CHRNG: variants seen among roughly 807,000 people sequenced by gnomAD.
CHRNG encodes cholinergic receptor nicotinic gamma subunit, also known as acetylcholine receptor subunit gamma.
Under a neutral mutation model 65.2 loss-of-function variants are expected in CHRNG, and 72 were observed. The ratio of observed to expected loss-of-function variants is 1.10; its 90% CI spans 0.91 to 1.34. The LOEUF (loss-of-function observed/expected upper bound fraction) is 1.34, where lower values mean the gene tolerates loss of function less well. CHRNG is among the 40% of genes most tolerant of loss of function. CHRNG has a pLI of 0.00. For missense variants in CHRNG, 637 were observed against 680.1 expected, an observed-to-expected ratio of 0.94 and a Z score of 0.70; for synonymous variants, 284 against 290.2, an observed-to-expected ratio of 0.98 and a Z score of 0.22.
Position 232,545,899 on chromosome 2 carries a change from G to A in CHRNG, c.*183G>A. 1.4e-6 allele frequency: 1 copy of A among 738,832 alleles called. No individual in the cohort carries two copies. Among genetic ancestry groups the A allele is most frequent in the Non-Finnish European group, 2.3e-6 (1 of 430,716 alleles). 45.8% of individuals were successfully genotyped at this position (738,832 alleles called of 1,614,324 possible). ...TCTGAGCTGGAGTCCGAGAGTGGTT[G>A]GGGGTGGGCCGTGGCTAGTGTCCTG... is the stretch of plus-strand genomic sequence containing the variant. On this transcript the variant is annotated 3_prime_UTR_variant, in exon 12 of 12. Transcript: ENST00000651502.
rs57021172 is a variant in CHRNG at position 232,546,308 on chromosome 2, C to CTTTTTT, written c.*607_*612dup. 33 of 94,836 alleles carry CTTTTTT rather than the reference C, an allele frequency of 3.5e-4. No homozygotes were observed. Among genetic ancestry groups the CTTTTTT allele is most frequent in the African/African-American group, 1.1e-3 (29 of 26,136 alleles). The allele number at this position is 94,836 out of a possible 1,614,324, so 5.9% of individuals were successfully genotyped here. On this transcript the variant is annotated 3_prime_UTR_variant, in exon 12 of 12. Transcript: ENST00000651502. ...ACGATTTCCTGAGTTTTGTAATCCT[C>CTTTTTT]TTTTTTTTTTTTTTTTTTTTAGTTT...
rs201857172 is a variant in CHRNG, at chr2:232,543,358, G to C, written c.889G>C (p.Glu297Gln). 5.6e-6 allele frequency: 9 copies of C among 1,614,044 alleles called. No individual in the cohort carries two copies. The East Asian group carries it at 1.1e-4, about 20-fold the overall frequency. ...CTTCCTTGTGGCCAAGAAGGTGCCT[G>C]AAACCTCCCAGGCGGTGCCACTCAT... ...FLFLVAKKVPETSQAVPLISK... is the reference protein window; with the variant it reads ...FLFLVAKKVPQTSQAVPLISK... Residue 297 changes from glutamate (E) to glutamine (Q), a missense_variant, in exon 8 of 12, where the codon GAA (glutamate) becomes CAA (glutamine). Transcript: ENST00000651502.
rs1692122618 is a variant in CHRNG at position 232,545,815 on chromosome 2, G to C, written c.*99G>C. 1.0e-5 allele frequency: 14 copies of C among 1,361,294 alleles called. No homozygotes were observed. Among genetic ancestry groups the C allele is most frequent in the Non-Finnish European group, 1.5e-5 (14 of 959,798 alleles). The allele number at this position is 1,361,294 out of a possible 1,614,324, so 84.3% of individuals were successfully genotyped here. A position where few individuals can be genotyped will look rare whatever the true frequency, so the allele number is the denominator to read the frequency against. On this transcript the variant is annotated 3_prime_UTR_variant, in exon 12 of 12. Coordinates refer to ENST00000651502, the MANE Select transcript of CHRNG (RefSeq NM_005199.5). ...TACTGAGGTCCTAAGTGTGCTCTTT[G>C]GGAAGTGCCCTTCAGGACTGTGTGA...
rs1436519407 is a variant in CHRNG, at chr2:232,545,435, C to T, written c.1381-108C>T. 3 of 1,027,568 alleles carry T rather than the reference C, an allele frequency of 2.9e-6. No homozygotes were observed. The African/African-American group carries it at 4.7e-5, about 16-fold the overall frequency. 63.7% of individuals were successfully genotyped at this position (1,027,568 alleles called of 1,614,324 possible). A position where few individuals can be genotyped will look rare whatever the true frequency, so the allele number is the denominator to read the frequency against. ...GGGACCCGGACATAGGTAAGAAGGG[C>T]CCCAGGAAATGGAGACATGGGCCTG... On this transcript the variant is annotated intron_variant, in intron 11 of 11. Transcript: ENST00000651502.
Position 232,545,847 on chromosome 2 carries a change from C to T in CHRNG, c.*131C>T, listed in dbSNP as rs566877095. 1.2e-4 allele frequency: 127 copies of T among 1,060,730 alleles called. 1 individual carries two copies. The highest frequency in any genetic ancestry group is 2.0e-4 in the Middle Eastern group (1 of 4,896). 65.7% of individuals were successfully genotyped at this position (1,060,730 alleles called of 1,614,324 possible). ...GCCCTTCAGGACTGTGTGAGCCAAA[C>T]AGCCCTGAGAAAAGCTGGGGAAACA... On this transcript the variant is annotated 3_prime_UTR_variant, in exon 12 of 12. Coordinates refer to ENST00000651502, the MANE Select transcript of CHRNG (RefSeq NM_005199.5).
rs1388000624 is a variant in CHRNG, at chr2:232,546,976, T to G, written c.*1260T>G. ...CTAATCAGGTAGTAAGGCTGGGGTC[T>G]TCCTGGGGGAGAGGCAAGGTCCTGC... On this transcript the variant is annotated 3_prime_UTR_variant, in exon 12 of 12. Transcript: ENST00000651502. Among the ~76,000 whole-genome samples the G allele has an allele frequency of 6.6e-6, 1 of 152,172 alleles. No homozygotes were observed. Among genetic ancestry groups the G allele is most frequent in the East Asian group, 1.9e-4 (1 of 5,194 alleles).
chr2:232,546,997 C>G lies in CHRNG; in HGVS notation c.*1281C>G, dbSNP rs1404865476. 6.6e-6 allele frequency among the ~76,000 whole-genome samples: 1 copy of G among 152,106 alleles called. No homozygotes were observed. The highest frequency in any genetic ancestry group is 1.5e-5 in the Non-Finnish European group (1 of 68,022). ...GGTCTTCCTGGGGGAGAGGCAAGGT[C>G]CTGCTCTGAGATTACAGCCGGCACA... On this transcript the variant is annotated 3_prime_UTR_variant, in exon 12 of 12. Transcript: ENST00000651502.
Position 232,543,307 on chromosome 2 carries a change from G to A in CHRNG, c.838G>A (p.Val280Met), listed in dbSNP as rs779955475. The A allele has an allele frequency of 7.4e-6, 12 of 1,613,940 alleles. No homozygotes were observed. Among genetic ancestry groups the A allele is most frequent in the East Asian group, 4.5e-5 (2 of 44,880 alleles). The stretch of plus-strand genomic sequence containing the variant: ...CCAGAAGTGTACCGTCGCCATCAAC[G>A]TGCTCCTGGCCCAGACTGTCTTCCT... ...GGQKCTVAIN[V>M]LLAQTVFLFL... The change falls in exon 8 of 12, where the codon GTG becomes ATG. Residue 280 changes from valine to methionine, a missense_variant. Val to Met is a conservative substitution (Grantham distance 21, BLOSUM62 1). Transcript: ENST00000651502.
rs1375693286 is a variant in CHRNG at position 232,546,944 on chromosome 2, G to A, written c.*1228G>A. On this transcript the variant is annotated 3_prime_UTR_variant, in exon 12 of 12. Coordinates refer to ENST00000651502, the MANE Select transcript of CHRNG (RefSeq NM_005199.5). ...GAGGAGACTTTGACTGGCCTCCCTT[G>A]ACCCCACTAATCAGGTAGTAAGGCT... Among the ~76,000 whole-genome samples, 2 of 140,892 alleles carry A rather than the reference G, an allele frequency of 1.4e-5. No individual in the cohort carries two copies. The highest frequency in any genetic ancestry group is 3.1e-5 in the Non-Finnish European group (2 of 64,712). The allele number at this position is 140,892 out of a possible 152,430, so 92.4% of individuals were successfully genotyped here.
In CHRNG at chr2:232,541,467, C is replaced by T. The variant is rs142435378; in HGVS notation, c.444C>T (p.Ser148=). 8.9e-5 allele frequency: 144 copies of T among 1,614,166 alleles called. No homozygotes were observed. Among genetic ancestry groups the T allele is most frequent in the Non-Finnish European group, 1.1e-4 (134 of 1,179,998 alleles). ...GGCTGCCGCCTGCCATCTTCCGTTC[C>T]GCCTGCTCTATCTCAGTCACCTACT... ...IYWLPPAIFR[S]ACSISVTYFP... The change falls in exon 5 of 12, where the codon TCC becomes TCT. Residue 148 remains serine (S), a synonymous_variant. Coordinates refer to ENST00000651502, the MANE Select transcript of CHRNG (RefSeq NM_005199.5). The surrounding 1 kb of genome is among the most constrained non-coding windows in gnomAD (Gnocchi z 4.0).
At position 232,540,670 on chromosome 2, in the gene CHRNG, G is replaced by T; in HGVS notation, c.309G>T (p.Pro103=). Residue 103 remains proline (P), a synonymous_variant, in exon 4 of 12, where the codon CCG becomes CCT. Coordinates refer to ENST00000651502, the MANE Select transcript of CHRNG (RefSeq NM_005199.5). This position sits in a 1 kb window ranked among gnomAD's most constrained non-coding sequence, Gnocchi z 4.2. ...AAGGCCTGTGGGTGCTGAGGGTGCC[G>T]TCCACCATGGTGTGGCGGCCGGATA... ...DYEGLWVLRV[P]STMVWRPDIV... is the part of the protein sequence containing the mutation. 1.2e-6 allele frequency: 2 copies of T among 1,613,100 alleles called. No individual in the cohort carries two copies. The highest frequency in any genetic ancestry group is 1.7e-6 in the Non-Finnish European group (2 of 1,179,968).
chr2:232,542,394 A>G (rs376319807), intron 5 of CHRNG, 29 bp from the exon 6 acceptor site: 428 of 1,523,094 alleles, frequency 2.8e-4, no homozygotes, highest in Non-Finnish European at 3.7e-4. Flanking sequence ...ACCCGCTCAC[A>G]TTTAGCCTCT....
In CHRNG at chr2:232,544,500, C is replaced by A; in HGVS notation, c.1169C>A (p.Ala390Asp). The change falls in exon 10 of 12, where the codon GCC (alanine) becomes GAC (aspartate). Residue 390 changes from alanine to aspartate, a missense_variant. Transcript: ENST00000651502. ...GWSITTGEEV[A>D]LCLPRSELLF... Reference sequence around the variant, plus strand: ...TCGATCACAACTGGGGAGGAGGTGGCCCTCTGCCTGCCTCGCAGTGAACTC... The same window carrying A: ...TCGATCACAACTGGGGAGGAGGTGGACCTCTGCCTGCCTCGCAGTGAACTC... 6.2e-7 allele frequency: 1 copy of A among 1,613,704 alleles called. No individual in the cohort carries two copies. The highest frequency in any genetic ancestry group is 8.5e-7 in the Non-Finnish European group (1 of 1,179,928).
rs1178806556 is a variant in CHRNG at position 232,540,826 on chromosome 2, C to A, written c.350+115C>A. ...TGAGCAGAGGGTGCAAATCGGGCAC[C>A]TGTGGGGCTAGGGAAGAACTGGATG... On this transcript the variant is annotated intron_variant, in intron 4 of 11. Transcript: ENST00000651502. The surrounding 1 kb of genome is among the most constrained non-coding windows in gnomAD (Gnocchi z 4.2). The A allele has an allele frequency of 1.0e-6, 1 of 981,610 alleles. No individual in the cohort carries two copies. Among genetic ancestry groups the A allele is most frequent in the Non-Finnish European group, 1.5e-6 (1 of 645,568 alleles). 60.8% of individuals were successfully genotyped at this position (981,610 alleles called of 1,614,324 possible). A position where few individuals can be genotyped will look rare whatever the true frequency, so the allele number is the denominator to read the frequency against.
intron 10 of CHRNG, 79 bp from the exon 11 acceptor site, chr2:232,544,693 G>A (rs1160410194): frequency 1.3e-6 from 2 of 1,581,334 alleles, no homozygotes; most frequent in Non-Finnish European, 1.7e-6. Context: ...AGAGGAGCTG[G>A]GGTCCCTAAG....
Position 232,542,903 on chromosome 2 carries a change from A to G in CHRNG, c.626A>G (p.Gln209Arg). Residue 209 changes from glutamine (Q) to arginine (R), a missense_variant, in exon 7 of 12, where the codon CAG becomes CGG. Gln to Arg is a conservative substitution (Grantham distance 43). Transcript: ENST00000651502. ...AFTENGEWAI[Q>R]HRPAKMLLDP... The stretch of plus-strand genomic sequence containing the variant: ...GCAGAGAATGGGGAGTGGGCCATCC[A>G]GCACCGACCAGCCAAGATGCTCCTG... 1 of 1,613,932 alleles carries G rather than the reference A, an allele frequency of 6.2e-7. No individual in the cohort carries two copies. The highest frequency in any genetic ancestry group is 8.5e-7 in the Non-Finnish European group (1 of 1,180,002).
chr2:232,541,256 C>A lies in CHRNG; in HGVS notation c.351-118C>A. The A allele has an allele frequency of 1.6e-6, 2 of 1,281,882 alleles. No individual in the cohort carries two copies. Among genetic ancestry groups the A allele is most frequent in the Non-Finnish European group, 2.2e-6 (2 of 890,860 alleles). The allele number at this position is 1,281,882 out of a possible 1,614,324, so 79.4% of individuals were successfully genotyped here. A position where few individuals can be genotyped will look rare whatever the true frequency, so the allele number is the denominator to read the frequency against. Reference sequence around the variant, plus strand: ...TGGGAACCAGTCAGGGGGTGACAGGCTGGTAGGGACTGGTGTCCCCAGGCC... The same window carrying A: ...TGGGAACCAGTCAGGGGGTGACAGGATGGTAGGGACTGGTGTCCCCAGGCC... On this transcript the variant is annotated intron_variant, in intron 4 of 11. Transcript: ENST00000651502. The surrounding 1 kb of genome is among the most constrained non-coding windows in gnomAD (Gnocchi z 4.0).
chr2:232,542,831 T>C, intron 6 of CHRNG, 51 bp from the exon 7 acceptor site: 1 of 1,525,724 alleles, frequency 6.6e-7, no homozygotes, highest in Non-Finnish European at 9.0e-7. Context: ...TGCAGGGATC[T>C]GCCTAGCTCA....
Position 232,540,557 on chromosome 2 carries a change from G to T in CHRNG, c.241-45G>T. On this transcript the variant is annotated intron_variant, in intron 3 of 11. Transcript: ENST00000651502. This position sits in a 1 kb window ranked among gnomAD's most constrained non-coding sequence, Gnocchi z 4.2. ...CTGGATGCCCACTCCTAGGGCTGTG[G>T]TGCAGCAGAGGGCAGAGGCCTAGCA... 1 of 1,602,624 alleles carries T rather than the reference G, an allele frequency of 6.2e-7. No homozygotes were observed. Among genetic ancestry groups the T allele is most frequent in the Non-Finnish European group, 8.5e-7 (1 of 1,175,542 alleles).
Sources: gnomAD v4.1 joint callset for allele counts (sites outside exome capture counted in the v4.1 genomes callset) on GRCh38, gnomAD v4.1.1 for gene constraint, Gnocchi (gnomAD v3.1) non-coding constraint, MANE v1.5 for transcripts, NCBI Gene and HGNC (gene_info 2026-07-23, HGNC 2026-07-21) for gene names.